Variants in ASTN1 observed in about 807,000 individuals in gnomAD.
ASTN1 encodes astrotactin 1.
A neutral mutation model predicts 140.7 loss-of-function variants in ASTN1; 41 were observed. The ratio of observed to expected loss-of-function variants is 0.29; its 90% CI spans 0.23 to 0.38. ASTN1 has a LOEUF of 0.38. ASTN1 is among the 10% of genes least tolerant of loss of function. The probability of loss-of-function intolerance (pLI) is 1.00; values close to 1 mark genes in which losing one functional copy is unlikely to be tolerated. For missense variants in ASTN1, 1,479 were observed against 1,678.8 expected (o/e 0.88, Z 2.08); for synonymous variants, 640 against 652.2 (o/e 0.98, Z 0.29).
chr1:177,029,679 G>T lies in ASTN1; in HGVS notation c.1075C>A (p.Leu359Met), dbSNP rs1428127470. The part of the protein sequence containing the change: ...SGTEAENDPQ[L>M]TFYTDPSRSR... ...CTTGAAGGATCCGTGTAAAAGGTCA[G>T]CTGGGGGTCGTTTTCTGCCTCTGTG... The change falls in exon 5 of 23, where the codon CTG becomes ATG. Residue 359 changes from leucine to methionine, a missense_variant. Physicochemically the swap from Leu to Met is conservative, Grantham distance 15. Coordinates refer to ENST00000361833, the MANE Select transcript of ASTN1 (RefSeq NM_004319.3). 7 of 1,613,738 alleles carry T rather than the reference G, an allele frequency of 4.3e-6. No homozygotes were observed. The highest frequency in any genetic ancestry group is 5.9e-6 in the Non-Finnish European group (7 of 1,179,920).
chr1:176,900,905 A>G (rs1669738730), intron 16 of ASTN1, among the ~76,000 whole-genome samples: 1 of 152,230 alleles, frequency 6.6e-6, no homozygotes, highest in Non-Finnish European at 1.5e-5. Flanking sequence ...TCTCCACTAT[A>G]ATATCCCACA....
chr1:177,017,614 G>A (rs1214224536), intron 7 of ASTN1, among the ~76,000 whole-genome samples: 3 of 152,206 alleles, frequency 2.0e-5, no homozygotes, highest in South Asian at 4.1e-4. Context: ...TGGTGGGAAC[G>A]CATGAGGCGC....
chr1:177,116,662 G>A (rs1399227214), intron 1 of ASTN1, among the ~76,000 whole-genome samples: 1 of 152,042 alleles, frequency 6.6e-6, no homozygotes, highest in Non-Finnish European at 1.5e-5. Context: ...CCATTCTACT[G>A]AAATAATACT....
chr1:177,017,622 C>T (rs964218703), intron 7 of ASTN1, among the ~76,000 whole-genome samples: 2 of 152,206 alleles, frequency 1.3e-5, no homozygotes, highest in South Asian at 2.1e-4. Context: ...ACGCATGAGG[C>T]GCCGACTCCA....
Position 176,884,390 on chromosome 1 carries a change from G to T in ASTN1, c.3175C>A (p.Leu1059Ile), listed in dbSNP as rs1668942577. The change falls in exon 19 of 23, where the codon CTC (leucine) becomes ATC (isoleucine). Residue 1059 changes from leucine (L) to isoleucine (I), a missense_variant. By Grantham distance (5) the Leu-to-Ile change is conservative (BLOSUM62 2). Coordinates refer to ENST00000361833, the MANE Select transcript of ASTN1 (RefSeq NM_004319.3). ...PIGVQIVDYL[L>I]RQEKVTDRMD... ...CTGTCAGTGACTTTCTCTTGACGGA[G>T]GAGGTAATCTACAATCTGCACCCCG... is the stretch of plus-strand genomic sequence containing the variant. The T allele has an allele frequency of 6.2e-7, 1 of 1,614,184 alleles. No individual in the cohort carries two copies. The highest frequency in any genetic ancestry group is 8.5e-7 in the Non-Finnish European group (1 of 1,180,022).
intron 1 of ASTN1, among the ~76,000 whole-genome samples, chr1:177,155,930 GCA>G (rs1683215887): frequency 6.6e-6 from 1 of 152,066 alleles, no homozygotes; most frequent in Admixed American, 6.6e-5. Context: ...GTAACAACAA[GCA>G]CACTTAGTTC....
intron 1 of ASTN1, among the ~76,000 whole-genome samples, chr1:177,064,486 C>T (rs1306580711): frequency 2.6e-5 from 4 of 152,190 alleles, no homozygotes; most frequent in African/African-American, 9.6e-5. Flanking sequence ...TCTTCTGCTC[C>T]AGGGTCCTAG....
chr1:177,145,675 T>A (rs1291107326), intron 1 of ASTN1, among the ~76,000 whole-genome samples: 1 of 152,198 alleles, frequency 6.6e-6, no homozygotes, highest in African/African-American at 2.4e-5. Flanking sequence ...ACTCAGTCAG[T>A]CTGTCAGTCA....
chr1:176,896,038 G>A (rs981067666), intron 16 of ASTN1, among the ~76,000 whole-genome samples: 18 of 152,272 alleles, frequency 1.2e-4, no homozygotes, highest in African/African-American at 4.3e-4. Context: ...AGTGGTACCC[G>A]AAGGTGATTG....
At chr1:176,938,962 C>A (rs28513178) in intron 14 of ASTN1, among the ~76,000 whole-genome samples, 2 of 151,220 alleles carry the variant, frequency 1.3e-5, no homozygotes, top group South Asian at 2.1e-4. Flanking sequence ...TAAAAAAAAA[C>A]AAAAAACAAA....
intron 11 of ASTN1, among the ~76,000 whole-genome samples, chr1:176,950,523 A>G (rs183169315): frequency 6.6e-6 from 1 of 152,218 alleles, no homozygotes; most frequent in Admixed American, 6.5e-5. Flanking sequence ...CCCTATTTAG[A>G]GGTAAGGACA....
chr1:176,917,398 A>G (rs757974322), intron 16 of ASTN1, among the ~76,000 whole-genome samples: 24 of 152,088 alleles, frequency 1.6e-4, no homozygotes, highest in Non-Finnish European at 2.8e-4. Flanking sequence ...TCATGTTAAT[A>G]TTGACTAGTA....
At chr1:177,022,261 C>T (rs1015432398) in intron 7 of ASTN1, among the ~76,000 whole-genome samples, 9 of 151,806 alleles carry the variant, frequency 5.9e-5, no homozygotes, top group South Asian at 4.2e-4. Context: ...AGGGGGTTGG[C>T]GGGGGGTGGC....
At chr1:177,069,701 G>T (rs1326636881) in intron 1 of ASTN1, among the ~76,000 whole-genome samples, 1 of 152,094 alleles carries the variant, frequency 6.6e-6, no homozygotes, top group East Asian at 1.9e-4. Flanking sequence ...CAGCCAAAAG[G>T]TTCTGACACA....
chr1:176,979,138 G>T (rs1397385479), intron 8 of ASTN1, among the ~76,000 whole-genome samples: 1 of 152,138 alleles, frequency 6.6e-6, no homozygotes, highest in African/African-American at 2.4e-5. Context: ...GAAAGTAAGG[G>T]TTAAGCCCTG....
At position 176,869,083 on chromosome 1, in the gene ASTN1, A is replaced by G. The variant is rs111429311; in HGVS notation, c.3464-56T>C. On this transcript the variant is annotated intron_variant, in intron 21 of 22. Coordinates refer to ENST00000361833, the MANE Select transcript of ASTN1 (RefSeq NM_004319.3). ...TTTACATATATATAATAATGTATAT[A>G]TATACACACATTATATATGATCTAT... 1,638 of 1,202,602 alleles carry G rather than the reference A, an allele frequency of 1.4e-3. 23 individuals carry two copies. In the African/African-American group the frequency reaches 0.023, roughly 17 times the overall value. The allele number at this position is 1,202,602 out of a possible 1,614,324, so 74.5% of individuals were successfully genotyped here.
At chr1:177,063,688 C>G (rs951648345) in intron 1 of ASTN1, among the ~76,000 whole-genome samples, 1 of 152,126 alleles carries the variant, frequency 6.6e-6, no homozygotes, top group Admixed American at 6.5e-5. Flanking sequence ...ACTACTCATG[C>G]CTTCAAATCA....
At position 177,030,802 on chromosome 1, in the gene ASTN1, A is replaced by G. The variant is rs753320857; in HGVS notation, c.1012+4T>C. On this transcript the variant is annotated splice_donor_region_variant and intron_variant, in intron 4 of 22. Transcript: ENST00000361833. ...CCACGAGCCCTAATGTCAGACATGC[A>G]TACCTCTTGCTTTGTTGTTGATCCG... 1 of 1,614,080 alleles carries G rather than the reference A, an allele frequency of 6.2e-7. No individual in the cohort carries two copies. Among genetic ancestry groups the G allele is most frequent in the Admixed American group, 1.7e-5 (1 of 60,024 alleles).
At chr1:177,043,116 T>A (rs1359384794) in intron 2 of ASTN1, among the ~76,000 whole-genome samples, 1 of 152,194 alleles carries the variant, frequency 6.6e-6, no homozygotes. Flanking sequence ...TGGGTAGATG[T>A]AAAGTGAAAT....
Sources: allele counts gnomAD v4.1 joint callset (sites outside exome capture counted in the v4.1 genomes callset), GRCh38; gene constraint gnomAD v4.1.1; transcripts MANE v1.5; gene names NCBI Gene and HGNC (gene_info 2026-07-23, HGNC 2026-07-21).